SATB1: variants seen among roughly 807,000 people sequenced by gnomAD.
The protein encoded by SATB1 is DNA-binding protein SATB1.
Under a neutral mutation model 86.9 loss-of-function variants are expected in SATB1, and 11 were observed. The ratio of observed to expected loss-of-function variants is 0.13; its 90% CI spans 0.08 to 0.21. The LOEUF (loss-of-function observed/expected upper bound fraction) is 0.21, where lower values mean the gene tolerates loss of function less well. Ranked by LOEUF, SATB1 falls within the 10% of genes least tolerant of loss-of-function variation. The probability of loss-of-function intolerance (pLI) is 1.00; values close to 1 mark genes in which losing one functional copy is unlikely to be tolerated. For missense variants in SATB1, 551 were observed against 937.6 expected (o/e 0.59, Z 5.39); for synonymous variants, 357 against 357.2 (o/e 1.00, Z 0.01).
chr3:18,445,429 C>A, intron 1 of SATB1: 1 of 985,338 alleles, frequency 1.0e-6, no homozygotes, highest in South Asian at 4.7e-5. Flanking sequence ...AGACAGGACC[C>A]TCAGCCTCGA....
At chr3:18,382,466 C>A (rs987522531) in intron 8 of SATB1, among the ~76,000 whole-genome samples, 11 of 152,120 alleles carry the variant, frequency 7.2e-5, no homozygotes, top group Non-Finnish European at 1.6e-4. Context: ...CGGTAGAAAT[C>A]ATCACTTAAA....
chr3:18,442,226 G>A (rs184327182), upstream of SATB1, among the ~76,000 whole-genome samples: 106 of 151,784 alleles, frequency 7.0e-4, no homozygotes, highest in Admixed American at 7.2e-4. Context: ...ACTTTAGGAG[G>A]GAAATCCCTA....
chr3:18,367,631 C>T (rs141341666), intron 9 of SATB1, among the ~76,000 whole-genome samples: 4 of 152,206 alleles, frequency 2.6e-5, no homozygotes, highest in Non-Finnish European at 4.4e-5. Context: ...TGTAGTCTAA[C>T]GATTAATTTA....
At chr3:18,415,810 TG>T (rs542837624) in intron 4 of SATB1, among the ~76,000 whole-genome samples, 196 bp downstream of exon 4, 98 of 151,860 alleles carry the variant, frequency 6.5e-4, no homozygotes, top group South Asian at 1.2e-3. Context: ...TTTGTGTGTG[TG>T]GGGGGGGGGA....
chr3:18,425,817 G>T (rs906397151), upstream of SATB1, among the ~76,000 whole-genome samples: 190 of 146,808 alleles, frequency 1.3e-3, no homozygotes, highest in African/African-American at 4.5e-3. Flanking sequence ...GTGAGTGGGA[G>T]GGAGGAGGGG....
intron 9 of SATB1, among the ~76,000 whole-genome samples, chr3:18,365,875 C>T (rs1433866553): frequency 6.6e-6 from 1 of 152,078 alleles, no homozygotes; most frequent in African/African-American, 2.4e-5. Flanking sequence ...CCCCCAATCT[C>T]CAAACATAGA....
chr3:18,424,883 T>G lies in SATB1; in HGVS notation c.-1281A>C, dbSNP rs1271104776. ...GATAGAGGGCGGCCGCGGCTGTTGT[T>G]GTTGTGACGAGGCCGGGTGTTGCTG... On this transcript the variant is annotated 5_prime_UTR_variant, in exon 1 of 11. Coordinates refer to ENST00000338745, the MANE Select transcript of SATB1 (RefSeq NM_002971.6). 6.5e-6 allele frequency: 1 copy of G among 153,778 alleles called. No individual in the cohort carries two copies. The allele number at this position is 153,778 out of a possible 1,614,324, so 9.5% of individuals were successfully genotyped here.
rs553591017 is a variant in SATB1, at chr3:18,423,667, G to A, written c.-65C>T. Reference sequence around the variant, plus strand: ...CAGCACATAAATAACAAAAACAAAGGAGATTTCCTTTGCAGCCCGGGTTCT... The same window carrying A: ...CAGCACATAAATAACAAAAACAAAGAAGATTTCCTTTGCAGCCCGGGTTCT... On this transcript the variant is annotated 5_prime_UTR_variant, in exon 1 of 11. Transcript: ENST00000338745. 6.6e-6 allele frequency: 1 copy of A among 150,982 alleles called. No homozygotes were observed. Among genetic ancestry groups the A allele is most frequent in the East Asian group, 1.9e-4 (1 of 5,140 alleles). 9.4% of individuals were successfully genotyped at this position (150,982 alleles called of 1,614,324 possible). A position where few individuals can be genotyped will look rare whatever the true frequency, so the allele number is the denominator to read the frequency against.
chr3:18,357,805 T>C (rs1289806758), intron 9 of SATB1, among the ~76,000 whole-genome samples: 1 of 151,912 alleles, frequency 6.6e-6, no homozygotes, highest in Non-Finnish European at 1.5e-5. Flanking sequence ...ATATGTTTTA[T>C]GCACACTGTG....
At chr3:18,439,024 C>G (rs933111671), upstream of SATB1, among the ~76,000 whole-genome samples, 5 of 152,166 alleles carry the variant, frequency 3.3e-5, no homozygotes, top group Non-Finnish European at 4.4e-5. Context: ...AAATATTGCA[C>G]AGTTAAATGT....
chr3:18,357,152 C>G (rs1298412445), intron 9 of SATB1, among the ~76,000 whole-genome samples: 1 of 151,784 alleles, frequency 6.6e-6, no homozygotes, highest in African/African-American at 2.4e-5. Context: ...CCCCCTCACC[C>G]TCATCTTTTA....
intron 7 of SATB1, among the ~76,000 whole-genome samples, chr3:18,393,176 TAAAC>T (rs1364591775): frequency 1.3e-5 from 2 of 151,846 alleles, no homozygotes; most frequent in African/African-American, 4.8e-5. Flanking sequence ...AATCATGTAA[TAAAC>T]AAAATAACTT....
chr3:18,399,098 C>G (rs1697112820), intron 5 of SATB1, among the ~76,000 whole-genome samples: 5 of 152,148 alleles, frequency 3.3e-5, no homozygotes, highest in Admixed American at 3.3e-4. Flanking sequence ...TCTGGCAGTT[C>G]CTTAAATGTT....
chr3:18,371,319 T>G (rs1468751862), intron 9 of SATB1, among the ~76,000 whole-genome samples: 1 of 152,160 alleles, frequency 6.6e-6, no homozygotes, highest in Non-Finnish European at 1.5e-5. Context: ...GTTTACAACT[T>G]CTATTTTTAC....
intron 7 of SATB1, among the ~76,000 whole-genome samples, chr3:18,393,552 TGATA>T (rs1219298686): frequency 1.3e-4 from 20 of 152,296 alleles, no homozygotes; most frequent in African/African-American, 4.8e-4. Context: ...TCTTCCAGGC[TGATA>T]GATAGTACCT....
At chr3:18,365,458 G>A (rs1695140097) in intron 9 of SATB1, among the ~76,000 whole-genome samples, 1 of 151,524 alleles carries the variant, frequency 6.6e-6, no homozygotes, top group Non-Finnish European at 1.5e-5. Context: ...GGTGGGTAGG[G>A]TCGGGGAGGG....
intron 6 of SATB1, among the ~76,000 whole-genome samples, chr3:18,395,829 C>CT (rs1321318751): frequency 6.6e-6 from 1 of 152,294 alleles, no homozygotes; most frequent in East Asian, 1.9e-4. Context: ...AGCATCATCT[C>CT]TAAGTATGTA....
intron 7 of SATB1, among the ~76,000 whole-genome samples, chr3:18,387,846 C>T (rs996530642): frequency 2.0e-5 from 3 of 152,058 alleles, no homozygotes; most frequent in Non-Finnish European, 2.9e-5. Flanking sequence ...AAGGTTAAAA[C>T]ATTTGTTTTT....
At chr3:18,371,583 T>C (rs1348277779) in intron 9 of SATB1, among the ~76,000 whole-genome samples, 1 of 152,222 alleles carries the variant, frequency 6.6e-6, no homozygotes, top group Non-Finnish European at 1.5e-5. Context: ...AGTTCTTCCA[T>C]TCCTCTCTTA....
Sources: allele counts gnomAD v4.1 joint callset (sites outside exome capture counted in the v4.1 genomes callset), GRCh38; gene constraint gnomAD v4.1.1; transcripts MANE v1.5; gene names NCBI Gene and HGNC (gene_info 2026-07-23, HGNC 2026-07-21).